The following FAM13C variants were observed in gnomAD, a reference collection of about 807,000 sequenced individuals.
FAM13C encodes the protein family with sequence similarity 13 member C.
FAM13C carries 37 observed loss-of-function variants against 73.2 expected under a neutral mutation model. The observed-to-expected ratio is 0.51, with a 90% confidence interval of 0.39 to 0.67. The LOEUF (loss-of-function observed/expected upper bound fraction) is 0.67. Among genes scored for constraint, FAM13C ranks in the 30% least tolerant of loss-of-function variants. The pLI is 0.00. For missense variants in FAM13C, 589 were observed against 715.6 expected, an observed-to-expected ratio of 0.82 and a Z score of 2.02; for synonymous variants, 246 against 260.9, an observed-to-expected ratio of 0.94 and a Z score of 0.55.
intron 8 of FAM13C, among the ~76,000 whole-genome samples, chr10:59,266,923 G>C (rs940025537): frequency 3.9e-5 from 6 of 152,254 alleles, no homozygotes; most frequent in Admixed American, 2.0e-4. Flanking sequence ...GTGTTATCTA[G>C]GACCATTTAC....
At chr10:59,313,071 C>T (rs1486322195) in intron 4 of FAM13C, among the ~76,000 whole-genome samples, 1 of 152,118 alleles carries the variant, frequency 6.6e-6, no homozygotes, top group Non-Finnish European at 1.5e-5. Flanking sequence ...CTGAACTAGG[C>T]CAGTTAGTTC....
chr10:59,326,331 CT>C (rs995306535), intron 3 of FAM13C, among the ~76,000 whole-genome samples: 3 of 152,064 alleles, frequency 2.0e-5, no homozygotes, highest in African/African-American at 7.2e-5. Context: ...ACCTATGTTT[CT>C]TTTCCCCACC....
intron 3 of FAM13C, among the ~76,000 whole-genome samples, chr10:59,328,464 T>C (rs536339994): frequency 2.0e-5 from 3 of 152,262 alleles, no homozygotes; most frequent in African/African-American, 7.2e-5. Flanking sequence ...TTCCTTTATT[T>C]GTACAAATCC....
chr10:59,248,530 T>A (rs1198648988), intron 13 of FAM13C, among the ~76,000 whole-genome samples: 6 of 152,264 alleles, frequency 3.9e-5, no homozygotes, highest in Non-Finnish European at 7.4e-5. Context: ...TGCGACAGGG[T>A]CTCAGAAGGC....
At chr10:59,301,772 C>A (rs941167835) in intron 5 of FAM13C, among the ~76,000 whole-genome samples, 1 of 152,212 alleles carries the variant, frequency 6.6e-6, no homozygotes, top group African/African-American at 2.4e-5. Context: ...GAATTTGGAG[C>A]CTGTCTGTAT....
At chr10:59,336,071 A>G (rs1852684570) in intron 3 of FAM13C, among the ~76,000 whole-genome samples, 1 of 152,214 alleles carries the variant, frequency 6.6e-6, no homozygotes. Context: ...TAACTTAACC[A>G]AAGGATGAAT....
At chr10:59,320,328 G>A (rs969880628) in intron 4 of FAM13C, among the ~76,000 whole-genome samples, 2 of 152,114 alleles carry the variant, frequency 1.3e-5, no homozygotes, top group African/African-American at 4.8e-5. Context: ...CCAAATTTGA[G>A]GCCTCTAATG....
At chr10:59,294,768 T>G (rs190822311) in intron 5 of FAM13C, among the ~76,000 whole-genome samples, 1 of 152,294 alleles carries the variant, frequency 6.6e-6, no homozygotes, top group Non-Finnish European at 1.5e-5. Context: ...AAAAGTTGTC[T>G]AAAATTAAAT....
intron 13 of FAM13C, among the ~76,000 whole-genome samples, chr10:59,250,028 C>A (rs999447263): frequency 1.3e-5 from 2 of 152,172 alleles, no homozygotes; most frequent in African/African-American, 2.4e-5. Context: ...TCAGGGAACT[C>A]AAATTTATGA....
At chr10:59,329,313 A>AT (rs1016804824) in intron 3 of FAM13C, among the ~76,000 whole-genome samples, 40 of 101,754 alleles carry the variant, frequency 3.9e-4, no homozygotes, top group East Asian at 5.4e-4. Flanking sequence ...CTCTGATTCC[A>AT]TTTTTTTTTC....
chr10:59,261,915 A>G (rs1013759120), intron 10 of FAM13C, among the ~76,000 whole-genome samples: 1 of 152,144 alleles, frequency 6.6e-6, no homozygotes, highest in African/African-American at 2.4e-5. Context: ...GATGCCTCAC[A>G]GAGACTTCAA....
chr10:59,285,831 G>T (rs1427131512), intron 5 of FAM13C, among the ~76,000 whole-genome samples: 5 of 152,250 alleles, frequency 3.3e-5, no homozygotes, highest in Admixed American at 6.5e-5. Context: ...AGAAGGCCAT[G>T]TGAGAAGGCA....
rs1381275108 is a variant in FAM13C at position 59,302,880 on chromosome 10, A to G, written c.444-16T>C. ...CTGGTCTATTCTATAAAATACAAAG[A>G]AAAATTATTTCCATTTAAAAGAAAC... On this transcript the variant is annotated splice_polypyrimidine_tract_variant and intron_variant, in intron 4 of 13. Transcript: ENST00000618804. 6.2e-7 allele frequency: 1 copy of G among 1,609,728 alleles called. No individual in the cohort carries two copies. Among genetic ancestry groups the G allele is most frequent in the Non-Finnish European group, 8.5e-7 (1 of 1,178,174 alleles).
At chr10:59,251,951 G>A (rs759102074) in intron 12 of FAM13C, among the ~76,000 whole-genome samples, 14 of 152,090 alleles carry the variant, frequency 9.2e-5, no homozygotes, top group Non-Finnish European at 1.6e-4. Context: ...ACTGGAAAGG[G>A]TAACAGCAAT....
intron 3 of FAM13C, among the ~76,000 whole-genome samples, chr10:59,349,814 G>T (rs1854795116): frequency 6.6e-6 from 1 of 152,046 alleles, no homozygotes; most frequent in Non-Finnish European, 1.5e-5. Context: ...AAAATTTTAT[G>T]TTGGTTATTT....
At chr10:59,358,434 A>G (rs1855985851) in intron 1 of FAM13C, among the ~76,000 whole-genome samples, 3 of 152,214 alleles carry the variant, frequency 2.0e-5, no homozygotes, top group African/African-American at 7.2e-5. Context: ...TTTCTTGCCA[A>G]TAGTCCACTC....
chr10:59,316,879 C>G (rs773484192), intron 4 of FAM13C, among the ~76,000 whole-genome samples: 1 of 151,990 alleles, frequency 6.6e-6, no homozygotes, highest in Non-Finnish European at 1.5e-5. Flanking sequence ...AAACAAGTTA[C>G]ATAGCAATGT....
At position 59,247,042 on chromosome 10, in the gene FAM13C, G is replaced by GAA. The variant is rs11428990; in HGVS notation, c.*570_*571dup. On this transcript the variant is annotated 3_prime_UTR_variant, in exon 14 of 14. Coordinates refer to ENST00000618804, the MANE Select transcript of FAM13C (RefSeq NM_198215.4). ...ATAATGTGTTATTTTTATAGAGAAA[G>GAA]AAAAAAATAGCAACACAATCTAGTT... The GAA allele has an allele frequency of 3.2e-5, 5 of 158,600 alleles. No homozygotes were observed. The highest frequency in any genetic ancestry group is 2.1e-4 in the South Asian group (1 of 4,870). The allele number at this position is 158,600 out of a possible 1,614,324, so 9.8% of individuals were successfully genotyped here. A position where few individuals can be genotyped will look rare whatever the true frequency, so the allele number is the denominator to read the frequency against.
At chr10:59,324,190 G>T in intron 3 of FAM13C, 84 bp from the exon 4 acceptor site, 1 of 1,069,472 alleles carries the variant, frequency 9.4e-7, no homozygotes, top group South Asian at 1.5e-5. Flanking sequence ...GGGTCTCGGG[G>T]CAGGGAAGCA....
Sources: allele counts gnomAD v4.1 joint callset (sites outside exome capture counted in the v4.1 genomes callset), GRCh38; gene constraint gnomAD v4.1.1; transcripts MANE v1.5; gene names NCBI Gene and HGNC (gene_info 2026-07-23, HGNC 2026-07-21).